MUSK: variants seen among roughly 807,000 people sequenced by gnomAD.
The protein encoded by MUSK is muscle associated receptor tyrosine kinase.
MUSK carries 55 observed loss-of-function variants against 88.7 expected under a neutral mutation model. That is an observed-to-expected ratio of 0.62 (90% CI 0.50 to 0.78). The LOEUF is 0.78. Ranked by LOEUF, MUSK falls within the 30% of genes least tolerant of loss-of-function variation. The pLI is 0.00. For missense variants in MUSK, 1,015 were observed against 1,074.3 expected (o/e 0.94, Z 0.77); for synonymous variants, 387 against 391.9 (o/e 0.99, Z 0.15).
At chr9:110,768,161 G>A (rs2077513690) in intron 9 of MUSK, 78 bp downstream of exon 9, 1 of 1,383,558 alleles carries the variant, frequency 7.2e-7, no homozygotes, top group African/African-American at 1.4e-5. Context: ...GAAAAATGTT[G>A]TAATATGCAA....
chr9:110,716,797 A>G (rs1269911774), intron 5 of MUSK, among the ~76,000 whole-genome samples: 1 of 150,186 alleles, frequency 6.7e-6, no homozygotes, highest in African/African-American at 2.5e-5. Flanking sequence ...TTTTGAAATT[A>G]TATTGTTAAG....
rs1352178393 is a variant in MUSK at position 110,687,137 on chromosome 9, G to A, written c.227G>A (p.Ser76Asn). ...TGCAGACTCTTTGACACCCGGTACAGCATCCGGGAGAATGGGCAGCTCCTC... is the reference window on the plus strand; with the variant it reads ...TGCAGACTCTTTGACACCCGGTACAACATCCGGGAGAATGGGCAGCTCCTC... Reference protein sequence around the residue: ...ILIKLFDTRYSIRENGQLLTI... With the variant: ...ILIKLFDTRYNIRENGQLLTI... Residue 76 changes from serine (S) to asparagine (N), a missense_variant, in exon 3 of 15, where the codon AGC (serine) becomes AAC (asparagine). Transcript: ENST00000374448. 1.2e-6 allele frequency: 2 copies of A among 1,613,502 alleles called. No individual in the cohort carries two copies. The highest frequency in any genetic ancestry group is 1.7e-6 in the Non-Finnish European group (2 of 1,179,632).
At chr9:110,797,252 A>G (rs1245128494) in intron 14 of MUSK, among the ~76,000 whole-genome samples, 5 of 149,140 alleles carry the variant, frequency 3.4e-5, no homozygotes, top group Non-Finnish European at 5.9e-5. Context: ...ATTGTAATGC[A>G]TAGGAAAAAT....
At chr9:110,728,685 C>A in intron 5 of MUSK, 1 of 1,577,104 alleles carries the variant, frequency 6.3e-7, no homozygotes, top group Non-Finnish European at 8.6e-7. Context: ...TTTTTATTAA[C>A]AGAAGAAAGT....
chr9:110,690,127 A>AAT (rs1277312280), intron 3 of MUSK, among the ~76,000 whole-genome samples: 806 of 25,958 alleles, frequency 0.031, 7 homozygotes, highest in Middle Eastern at 0.1. Flanking sequence ...ATATTATATA[A>AAT]GTATAAATAT....
Position 110,767,886 on chromosome 9 carries a change from G to C in MUSK, c.987G>C (p.Leu329=), listed in dbSNP as rs1201008758. The C allele has an allele frequency of 6.2e-7, 1 of 1,614,006 alleles. No homozygotes were observed. Among genetic ancestry groups the C allele is most frequent in the Non-Finnish European group, 8.5e-7 (1 of 1,179,888 alleles). Residue 329 remains leucine (L), a synonymous_variant, in exon 9 of 15, where the codon CTG becomes CTC. Coordinates refer to ENST00000374448, the MANE Select transcript of MUSK (RefSeq NM_005592.4). ...QYRGEVCNAV[L]AKDALVFLNT... The stretch of plus-strand genomic sequence containing the variant: ...GAGGGGAGGTGTGTAATGCAGTCCT[G>C]GCAAAAGATGCTCTTGTTTTTCTCA...
At chr9:110,762,156 C>G (rs934223397) in intron 7 of MUSK, 46 bp from the exon 8 acceptor site, 24 of 1,370,314 alleles carry the variant, frequency 1.8e-5, no homozygotes, top group Non-Finnish European at 2.3e-5. Flanking sequence ...TCTTTCTTTT[C>G]TCCTTTAATT....
intron 7 of MUSK, among the ~76,000 whole-genome samples, chr9:110,760,617 C>T (rs112874702): frequency 2.0e-4 from 31 of 152,012 alleles, no homozygotes; most frequent in African/African-American, 6.8e-4. Flanking sequence ...GAACAACTTT[C>T]GGGCACTATG....
intron 7 of MUSK, 73 bp from the exon 8 acceptor site, chr9:110,762,129 T>C: frequency 8.1e-7 from 1 of 1,239,686 alleles, no homozygotes; most frequent in Non-Finnish European, 1.1e-6. Context: ...AAGCATAAGA[T>C]GAAAATGTAC....
intron 1 of MUSK, among the ~76,000 whole-genome samples, chr9:110,681,071 T>TATATAATAATATA: frequency 3.3e-5 from 1 of 30,312 alleles, no homozygotes; most frequent in African/African-American, 2.3e-4. Context: ...ATATATAATA[T>TATATAATAATATA]TATATATATT....
rs1301113790 is a variant in MUSK at position 110,734,151 on chromosome 9, G to A, written c.629-100G>A. On this transcript the variant is annotated intron_variant, in intron 5 of 14. Coordinates refer to ENST00000374448, the MANE Select transcript of MUSK (RefSeq NM_005592.4). ...AAAACAGAGCAAACACTGAAGAACT[G>A]CACACAGGGGAACATGGTCTAATTT... is the stretch of plus-strand genomic sequence containing the variant. The A allele has an allele frequency of 5.2e-6, 7 of 1,337,634 alleles. No homozygotes were observed. In the African/African-American group the frequency reaches 7.3e-5, roughly 14 times the overall value. 82.9% of individuals were successfully genotyped at this position (1,337,634 alleles called of 1,614,324 possible).
intron 13 of MUSK, 89 bp downstream of exon 13, chr9:110,785,807 T>C: frequency 1.3e-6 from 1 of 769,818 alleles, no homozygotes; most frequent in Non-Finnish European, 2.0e-6. Context: ...TATATAATAT[T>C]AGCTTTATAT....
chr9:110,722,995 A>C (rs2076834357), intron 5 of MUSK, among the ~76,000 whole-genome samples: 1 of 152,164 alleles, frequency 6.6e-6, no homozygotes. Context: ...AACTAAAAGT[A>C]GATCTACCAT....
intron 1 of MUSK, among the ~76,000 whole-genome samples, chr9:110,671,598 C>T (rs1280536711): frequency 6.6e-6 from 1 of 152,076 alleles, no homozygotes; most frequent in Non-Finnish European, 1.5e-5. Flanking sequence ...GCTACTAATG[C>T]CCAATGATAA....
rs537862651 is a variant in MUSK, at chr9:110,687,733, C to T, written c.358+465C>T. Among the ~76,000 whole-genome samples, 39 of 152,174 alleles carry T rather than the reference C, an allele frequency of 2.6e-4. 1 individual carries two copies. In the South Asian group the frequency reaches 7.7e-3, roughly 30 times the overall value. ...TCAAGTTCAAGCACAACCCTGAGGCCAATTAATCCCACACCTCTTATGCCT... is the reference window on the plus strand; with the variant it reads ...TCAAGTTCAAGCACAACCCTGAGGCTAATTAATCCCACACCTCTTATGCCT... On this transcript the variant is annotated intron_variant, in intron 3 of 14. Transcript: ENST00000374448.
At chr9:110,673,541 T>TA (rs2075988086) in intron 1 of MUSK, among the ~76,000 whole-genome samples, 1 of 152,196 alleles carries the variant, frequency 6.6e-6, no homozygotes, top group African/African-American at 2.4e-5. Flanking sequence ...CACTGAATCT[T>TA]ATGGGAAGGT....
In MUSK at chr9:110,715,170, G is replaced by A. The variant is rs958854963; in HGVS notation, c.628+17704G>A. ...TCATGACTCAGAAAGATATCCTAGA[G>A]ATCAAAAAAGCTCTGGAGAAAGAAA... On this transcript the variant is annotated intron_variant, in intron 5 of 14. Transcript: ENST00000374448. Among the ~76,000 whole-genome samples, 52 of 149,814 alleles carry A rather than the reference G, an allele frequency of 3.5e-4. 1 individual carries two copies. Among genetic ancestry groups the A allele is most frequent in the Non-Finnish European group, 7.4e-5 (5 of 67,906 alleles).
chr9:110,760,591 A>AG (rs1015896081), intron 7 of MUSK, among the ~76,000 whole-genome samples: 4 of 151,904 alleles, frequency 2.6e-5, no homozygotes, highest in Non-Finnish European at 4.4e-5. Flanking sequence ...GGAGAGGATT[A>AG]GGAAAAAAAA....
At chr9:110,703,354 T>C (rs1006196976) in intron 5 of MUSK, among the ~76,000 whole-genome samples, 5 of 151,886 alleles carry the variant, frequency 3.3e-5, no homozygotes, top group African/African-American at 7.3e-5. Context: ...CTGGCCAACA[T>C]TGTGAAACCC....
Sources: allele counts gnomAD v4.1 joint callset (sites outside exome capture counted in the v4.1 genomes callset), GRCh38; gene constraint gnomAD v4.1.1; transcripts MANE v1.5; gene names NCBI Gene and HGNC (gene_info 2026-07-23, HGNC 2026-07-21).